Variants in IGSF11 observed in about 807,000 individuals in gnomAD.
IGSF11 encodes the protein immunoglobulin superfamily member 11, also known as CXADR like 1.
A neutral mutation model predicts 41.0 loss-of-function variants in IGSF11; 22 were observed. The observed-to-expected ratio is 0.54, with a 90% CI of 0.38 to 0.77. The LOEUF (loss-of-function observed/expected upper bound fraction) is 0.77, where lower values mean the gene tolerates loss of function less well. Ranked by LOEUF, IGSF11 falls within the 30% of genes least tolerant of loss-of-function variation. The pLI, the probability that IGSF11 is intolerant of heterozygous loss-of-function variation, is 0.00. For missense variants in IGSF11, 444 were observed against 530.8 expected (o/e 0.84, Z 1.61); for synonymous variants, 219 against 201.3 (o/e 1.09, Z -0.74).
intron 1 of IGSF11, among the ~76,000 whole-genome samples, chr3:119,033,558 C>T (rs564862440): frequency 6.6e-6 from 1 of 152,212 alleles, no homozygotes; most frequent in East Asian, 1.9e-4. Context: ...GTTAAGTTGG[C>T]TAGTATTAGG....
At chr3:119,000,210 T>C (rs943390240) in intron 1 of IGSF11, among the ~76,000 whole-genome samples, 3 of 150,490 alleles carry the variant, frequency 2.0e-5, no homozygotes, top group Non-Finnish European at 2.9e-5. Context: ...CTAGGCTCTT[T>C]AGGACTCTGT....
At chr3:119,111,764 T>G (rs2077166186) in intron 1 of IGSF11, among the ~76,000 whole-genome samples, 1 of 152,140 alleles carries the variant, frequency 6.6e-6, no homozygotes, top group African/African-American at 2.4e-5. Flanking sequence ...TACAGATGGG[T>G]TTTTGGTGTG....
intron 1 of IGSF11, among the ~76,000 whole-genome samples, chr3:118,932,975 G>T (rs967986087): frequency 6.6e-6 from 1 of 152,190 alleles, no homozygotes; most frequent in Non-Finnish European, 1.5e-5. Flanking sequence ...GAAAGCAACC[G>T]CAACAGGGTG....
intron 1 of IGSF11, among the ~76,000 whole-genome samples, chr3:119,011,079 A>G (rs369388142): frequency 9.8e-5 from 15 of 152,342 alleles, no homozygotes; most frequent in African/African-American, 3.6e-4. Context: ...ACAAATAACA[A>G]CGTTGGACAA....
chr3:119,100,985 A>G (rs2076930148), intron 1 of IGSF11, among the ~76,000 whole-genome samples: 2 of 152,202 alleles, frequency 1.3e-5, no homozygotes, highest in South Asian at 4.1e-4. Flanking sequence ...TGCCACCTCC[A>G]TCTATCCAGT....
At chr3:118,937,712 G>A (rs746841553) in intron 1 of IGSF11, among the ~76,000 whole-genome samples, 1 of 152,074 alleles carries the variant, frequency 6.6e-6, no homozygotes, top group Non-Finnish European at 1.5e-5. Flanking sequence ...TTTATGGTTG[G>A]TGTACAACGG....
intron 1 of IGSF11, among the ~76,000 whole-genome samples, chr3:119,084,811 G>T (rs2076643757): frequency 2.0e-5 from 3 of 152,218 alleles, no homozygotes; most frequent in Non-Finnish European, 2.9e-5. Flanking sequence ...CTGAGGACCT[G>T]GAGGAGGGAG....
At chr3:118,992,794 T>C (rs543829897) in intron 1 of IGSF11, among the ~76,000 whole-genome samples, 25 of 152,200 alleles carry the variant, frequency 1.6e-4, no homozygotes, top group Admixed American at 7.8e-4. Flanking sequence ...AAGAAAAAAA[T>C]TGAGGTTCAA....
intron 1 of IGSF11, among the ~76,000 whole-genome samples, chr3:118,996,717 A>C (rs1936303885): frequency 6.6e-6 from 1 of 151,862 alleles, no homozygotes; most frequent in African/African-American, 2.4e-5. Flanking sequence ...CTCCTGCCTC[A>C]GCCTCCTGAG....
chr3:119,021,061 A>C (rs1053256303), intron 1 of IGSF11, among the ~76,000 whole-genome samples: 1 of 152,198 alleles, frequency 6.6e-6, no homozygotes, highest in Non-Finnish European at 1.5e-5. Context: ...TCCCTAGGGA[A>C]AAGAAAAATA....
chr3:118,917,626 A>G (rs1338405383), intron 4 of IGSF11, among the ~76,000 whole-genome samples: 2 of 106,304 alleles, frequency 1.9e-5, no homozygotes, highest in Non-Finnish European at 3.6e-5. Flanking sequence ...TAGTTTACCA[A>G]CCAAAAAGAG....
At chr3:118,956,154 GA>G (rs1164166693) in intron 1 of IGSF11, among the ~76,000 whole-genome samples, 3 of 151,988 alleles carry the variant, frequency 2.0e-5, no homozygotes, top group Admixed American at 2.0e-4. Flanking sequence ...TCACAGAATT[GA>G]AAAAAATTAG....
intron 1 of IGSF11, among the ~76,000 whole-genome samples, chr3:118,964,516 G>T (rs1945545351): frequency 6.6e-6 from 1 of 152,056 alleles, no homozygotes; most frequent in Admixed American, 6.6e-5. Context: ...CAAATTATTT[G>T]CAGGAAAAAA....
chr3:118,989,357 ATTT>A (rs11313865), intron 1 of IGSF11, among the ~76,000 whole-genome samples: 3,578 of 147,362 alleles, frequency 0.024, 138 homozygotes, highest in African/African-American at 0.085. Context: ...CCTTTATAGC[ATTT>A]TTTTTTTTTT....
At chr3:119,061,966 A>T (rs1942066750) in intron 1 of IGSF11, among the ~76,000 whole-genome samples, 1 of 152,186 alleles carries the variant, frequency 6.6e-6, no homozygotes, top group African/African-American at 2.4e-5. Context: ...GCTTAATTTC[A>T]ACTGTGCTAT....
At chr3:118,935,300 A>G (rs1419938381) in intron 1 of IGSF11, among the ~76,000 whole-genome samples, 1 of 107,060 alleles carries the variant, frequency 9.3e-6, no homozygotes, top group East Asian at 2.7e-4. Context: ...GGGTGTATAT[A>G]CATATATATA....
intron 1 of IGSF11, among the ~76,000 whole-genome samples, chr3:118,958,111 T>A (rs573497051): frequency 6.6e-6 from 1 of 152,330 alleles, no homozygotes; most frequent in East Asian, 1.9e-4. Flanking sequence ...GAAAATCACC[T>A]TTTTTCTTCT....
chr3:118,958,281 A>G (rs958326410), intron 1 of IGSF11, among the ~76,000 whole-genome samples: 8 of 152,154 alleles, frequency 5.3e-5, no homozygotes, highest in African/African-American at 9.6e-5. Flanking sequence ...GAAGAAAGAA[A>G]TACGTGAAAG....
chr3:118,989,003 G>T (rs1363171171), intron 1 of IGSF11, among the ~76,000 whole-genome samples: 1 of 152,164 alleles, frequency 6.6e-6, no homozygotes, highest in Admixed American at 6.5e-5. Context: ...CCAAAGAAAT[G>T]CAGGCCAGTT....
Sources: allele counts gnomAD v4.1 joint callset (sites outside exome capture counted in the v4.1 genomes callset), GRCh38; gene constraint gnomAD v4.1.1; transcripts MANE v1.5; gene names NCBI Gene and HGNC (gene_info 2026-07-23, HGNC 2026-07-21).